ARHGAP6: variants seen among roughly 807,000 people sequenced by gnomAD.
ARHGAP6 encodes Rho GTPase activating protein 6.
In ARHGAP6, 16 loss-of-function variants were observed where a neutral mutation model predicts 55.7. The observed-to-expected ratio is 0.29, with a 90% CI of 0.19 to 0.44. The LOEUF (loss-of-function observed/expected upper bound fraction) is 0.44. Ranked by LOEUF, ARHGAP6 falls within the 20% of genes least tolerant of loss-of-function variation. The pLI is 1.00. For synonymous variants in ARHGAP6, 382 were observed against 360.9 expected, an observed-to-expected ratio of 1.06 and a Z score of -0.66; for missense variants, 698 against 808.9, an observed-to-expected ratio of 0.86 and a Z score of 1.66.
At chrX:11,205,604 C>A (rs1039433166) in intron 2 of ARHGAP6, among the ~76,000 whole-genome samples, 9 of 111,802 alleles carry the variant, frequency 8.0e-5, no homozygotes, top group African/African-American at 2.9e-4. Context: ...TATACCCCAC[C>A]TTTTATGACT....
intron 1 of ARHGAP6, chrX:11,265,775 A>G: frequency 1.1e-6 from 1 of 931,387 alleles, no homozygotes. Flanking sequence ...TTTTAAAAAA[A>G]TTATTTTTTT....
chrX:11,147,272 C>T (rs1231170296), intron 10 of ARHGAP6, among the ~76,000 whole-genome samples: 2 of 110,344 alleles, frequency 1.8e-5, no homozygotes, highest in African/African-American at 6.6e-5. Context: ...TACACACACA[C>T]AAATATGACA....
At chrX:11,465,020 C>T (rs1031198499) in intron 1 of ARHGAP6, among the ~76,000 whole-genome samples, 10 of 111,760 alleles carry the variant, frequency 8.9e-5, no homozygotes, top group African/African-American at 2.9e-4. Context: ...TTTGCCAGGT[C>T]GCCACGCATC....
At chrX:11,371,575 G>T (rs2049144384) in intron 1 of ARHGAP6, among the ~76,000 whole-genome samples, 2 of 112,113 alleles carry the variant, frequency 1.8e-5, no homozygotes, top group Non-Finnish European at 3.8e-5. Context: ...CTTAATAGAG[G>T]TAATTAAAAG....
intron 1 of ARHGAP6, among the ~76,000 whole-genome samples, chrX:11,534,205 C>T (rs1249499243): frequency 5.4e-5 from 6 of 111,650 alleles, no homozygotes; most frequent in Non-Finnish European, 1.1e-4. Context: ...CAATAGTGCT[C>T]TCATGGGAAT....
rs780857303 is a variant in ARHGAP6, at chrX:11,454,006, C to T, written c.589-199299G>A. ...TTGCCCAGGCTGGAGTGCAGTGGCACGATCTCGGCTCACTGCAAGCTCCAC... is the reference window on the plus strand; with the variant it reads ...TTGCCCAGGCTGGAGTGCAGTGGCATGATCTCGGCTCACTGCAAGCTCCAC... On this transcript the variant is annotated intron_variant, in intron 1 of 12. Coordinates refer to ENST00000337414, the MANE Select transcript of ARHGAP6 (RefSeq NM_013427.3). 3.2e-3 allele frequency among the ~76,000 whole-genome samples: 355 copies of T among 111,042 alleles called. 1 individual carries two copies. Among genetic ancestry groups the T allele is most frequent in the Non-Finnish European group, 5.4e-3 (284 of 52,958 alleles).
At chrX:11,595,006 A>T (rs1355274286) in intron 1 of ARHGAP6, among the ~76,000 whole-genome samples, 2 of 111,937 alleles carry the variant, frequency 1.8e-5, no homozygotes, top group Non-Finnish European at 3.8e-5. Flanking sequence ...AAAATGAATG[A>T]TCAGTCGGGC....
rs935426313 is a variant in ARHGAP6 at position 11,520,442 on chromosome X, G to C, written c.588+143799C>G. Among the ~76,000 whole-genome samples, 56 of 107,426 alleles carry C rather than the reference G, an allele frequency of 5.2e-4. 1 individual carries two copies. The highest frequency in any genetic ancestry group is 2.3e-3 in the Admixed American group (23 of 9,859). The allele number at this position is 107,426 out of a possible 115,157, so 93.3% of individuals were successfully genotyped here. A position where few individuals can be genotyped will look rare whatever the true frequency, so the allele number is the denominator to read the frequency against. On this transcript the variant is annotated intron_variant, in intron 1 of 12. Coordinates refer to ENST00000337414, the MANE Select transcript of ARHGAP6 (RefSeq NM_013427.3). ...TTTTTTGTCCTTGCGATAGTTTGCT[G>C]AGAATGATGGTTTCCAGCTTCATCC...
At chrX:11,469,971 A>G (rs12843668) in intron 1 of ARHGAP6, among the ~76,000 whole-genome samples, 3 of 111,283 alleles carry the variant, frequency 2.7e-5, no homozygotes, top group African/African-American at 9.8e-5. Flanking sequence ...CCTTTTTTTC[A>G]CCATGATGAA....
intron 1 of ARHGAP6, among the ~76,000 whole-genome samples, chrX:11,580,375 T>C (rs777474364): frequency 8.9e-6 from 1 of 111,938 alleles, no homozygotes; most frequent in African/African-American, 3.2e-5. Flanking sequence ...TGGCCACTAA[T>C]TCTGCAAATC....
chrX:11,508,036 A>C (rs993999444), intron 1 of ARHGAP6, among the ~76,000 whole-genome samples: 10 of 112,088 alleles, frequency 8.9e-5, no homozygotes, highest in Admixed American at 4.7e-4. Context: ...GAAATCACCC[A>C]AATAATGGAA....
chrX:11,227,787 C>A (rs2047071502), intron 2 of ARHGAP6, among the ~76,000 whole-genome samples: 2 of 108,264 alleles, frequency 1.8e-5, no homozygotes, highest in African/African-American at 6.9e-5. Context: ...TAAAATCTTT[C>A]TTTTTCTTTT....
chrX:11,636,601 C>T (rs1230253790), intron 1 of ARHGAP6, among the ~76,000 whole-genome samples: 1 of 111,292 alleles, frequency 9.0e-6, no homozygotes, highest in Non-Finnish European at 1.9e-5. Flanking sequence ...TGTGGATTTT[C>T]TAGGATTCTC....
At chrX:11,448,204 C>T (rs774479794) in intron 1 of ARHGAP6, among the ~76,000 whole-genome samples, 2 of 112,403 alleles carry the variant, frequency 1.8e-5, no homozygotes, top group Non-Finnish European at 1.9e-5. Flanking sequence ...TTGAGCACAG[C>T]CTCCAATCCT....
chrX:11,595,455 T>G (rs1389814462), intron 1 of ARHGAP6, among the ~76,000 whole-genome samples: 2 of 111,443 alleles, frequency 1.8e-5, no homozygotes, highest in African/African-American at 6.5e-5. Flanking sequence ...AAACGTAAGA[T>G]CTAGGACCAT....
chrX:11,499,878 G>A (rs2050659052), intron 1 of ARHGAP6, among the ~76,000 whole-genome samples: 1 of 111,719 alleles, frequency 9.0e-6, no homozygotes, highest in African/African-American at 3.3e-5. Flanking sequence ...ACTTCAGCTG[G>A]AAACAATCTT....
intron 1 of ARHGAP6, among the ~76,000 whole-genome samples, chrX:11,307,148 C>A (rs1473743031): frequency 9.0e-6 from 1 of 111,014 alleles, no homozygotes; most frequent in Non-Finnish European, 1.9e-5. Flanking sequence ...ATGAAATAAT[C>A]ATGTGTTTTA....
intron 1 of ARHGAP6, among the ~76,000 whole-genome samples, chrX:11,642,051 A>AT (rs1180619214): frequency 9.0e-6 from 1 of 111,499 alleles, no homozygotes; most frequent in African/African-American, 3.3e-5. Context: ...GTACGGATCC[A>AT]TTTTCTCTTT....
chrX:11,408,506 ACT>A (rs1342246565), intron 1 of ARHGAP6, among the ~76,000 whole-genome samples: 1 of 110,558 alleles, frequency 9.0e-6, no homozygotes, highest in Non-Finnish European at 1.9e-5. Context: ...TAAGCATAAA[ACT>A]CTATCCAGGT....
Sources: allele counts gnomAD v4.1 joint callset (sites outside exome capture counted in the v4.1 genomes callset), GRCh38; gene constraint gnomAD v4.1.1; transcripts MANE v1.5; gene names NCBI Gene and HGNC (gene_info 2026-07-23, HGNC 2026-07-21).